The following ANKRD62 variants were observed in gnomAD, a reference collection of about 807,000 sequenced individuals.
ANKRD62 encodes ankyrin repeat domain 62.
In ANKRD62, 61 loss-of-function variants were observed where a neutral mutation model predicts 98.8. That is an observed-to-expected ratio of 0.62 (90% confidence interval 0.50 to 0.76). The LOEUF (loss-of-function observed/expected upper bound fraction) is 0.76. Ranked by LOEUF, ANKRD62 falls within the 30% of genes least tolerant of loss-of-function variation. ANKRD62 has a pLI of 0.00. For missense variants in ANKRD62, 933 were observed against 1,082.9 expected, an observed-to-expected ratio of 0.86 and a Z score of 1.94; for synonymous variants, 341 against 367.9, an observed-to-expected ratio of 0.93 and a Z score of 0.84.
chr18:12,146,001 G>T, the ANKRD62 span, among the ~76,000 whole-genome samples: 2 of 151,516 alleles, frequency 1.3e-5, no homozygotes, highest in Non-Finnish European at 2.9e-5. Flanking sequence ...ACCTTGCTCT[G>T]TGGGACCTCT....
chr18:12,173,865 G>A, the ANKRD62 span, among the ~76,000 whole-genome samples: 1 of 152,204 alleles, frequency 6.6e-6, no homozygotes, highest in African/African-American at 2.4e-5. Flanking sequence ...CCTGTCATTA[G>A]TCTGATGGAT....
At chr18:12,098,606 G>T (rs1282085073) in intron 5 of ANKRD62, 3 of 152,182 alleles carry the variant, frequency 2.0e-5, no homozygotes, top group Admixed American at 6.5e-5. Context: ...AAGCAAAACA[G>T]GTGCTAGCCA....
chr18:12,172,897 C>A, the ANKRD62 span, among the ~76,000 whole-genome samples: 1 of 152,050 alleles, frequency 6.6e-6, no homozygotes, highest in Non-Finnish European at 1.5e-5. Context: ...GGGCGTGGGA[C>A]CCTCTGAGCC....
the ANKRD62 span, among the ~76,000 whole-genome samples, chr18:12,166,281 C>T: frequency 6.6e-6 from 1 of 151,832 alleles, no homozygotes; most frequent in Non-Finnish European, 1.5e-5. Flanking sequence ...TAGATTTGCC[C>T]TTTTGAGGCT....
chr18:12,177,540 C>G, the ANKRD62 span, among the ~76,000 whole-genome samples: 1 of 151,902 alleles, frequency 6.6e-6, no homozygotes, highest in Non-Finnish European at 1.5e-5. Context: ...TAAGTAGGGC[C>G]ATCTTTGAAC....
At chr18:12,100,604 G>C (rs752596444) in intron 6 of ANKRD62, among the ~76,000 whole-genome samples, 25 of 152,116 alleles carry the variant, frequency 1.6e-4, no homozygotes, top group Non-Finnish European at 3.4e-4. Context: ...AATAAGAACT[G>C]TACCAATACC....
At chr18:12,100,197 T>G (rs1909269319) in intron 6 of ANKRD62, among the ~76,000 whole-genome samples, 1 of 152,208 alleles carries the variant, frequency 6.6e-6, no homozygotes, top group Non-Finnish European at 1.5e-5. Flanking sequence ...CTAGAAACCT[T>G]ATTGATTATA....
chr18:12,172,067 G>A, the ANKRD62 span, among the ~76,000 whole-genome samples: 2 of 151,992 alleles, frequency 1.3e-5, no homozygotes. Context: ...AGCTTCTCTG[G>A]GATGGGTTTG....
At chr18:12,124,860 C>A (rs1420794158) in intron 12 of ANKRD62, among the ~76,000 whole-genome samples, 1 of 152,118 alleles carries the variant, frequency 6.6e-6, no homozygotes, top group Non-Finnish European at 1.5e-5. Context: ...CCTTTCCCTG[C>A]AGAATTGTGA....
chr18:12,137,786 G>T, the ANKRD62 span, among the ~76,000 whole-genome samples: 1 of 152,172 alleles, frequency 6.6e-6, no homozygotes, highest in Non-Finnish European at 1.5e-5. Context: ...GAGTGTATGT[G>T]TTGAGGAATT....
At chr18:12,178,349 C>T in the ANKRD62 span, among the ~76,000 whole-genome samples, 1 of 148,560 alleles carries the variant, frequency 6.7e-6, no homozygotes, top group East Asian at 2.0e-4. Context: ...GAAAAGTCTG[C>T]AGAGGGCTGG....
chr18:12,162,034 A>G, the ANKRD62 span, among the ~76,000 whole-genome samples: 3 of 152,148 alleles, frequency 2.0e-5, no homozygotes, highest in Non-Finnish European at 4.4e-5. Flanking sequence ...TCTTTGGGGT[A>G]TATACCTAGC....
the ANKRD62 span, among the ~76,000 whole-genome samples, chr18:12,173,966 G>T: frequency 6.6e-6 from 1 of 152,082 alleles, no homozygotes; most frequent in Non-Finnish European, 1.5e-5. Flanking sequence ...ATAATTATGT[G>T]TCTTTGGGGT....
At chr18:12,150,871 T>C in the ANKRD62 span, among the ~76,000 whole-genome samples, 2 of 152,230 alleles carry the variant, frequency 1.3e-5, no homozygotes, top group South Asian at 2.1e-4. Flanking sequence ...CCACTGACAC[T>C]ATAAAGCAAG....
At chr18:12,127,301 G>C (rs1449137010) in intron 13 of ANKRD62, among the ~76,000 whole-genome samples, 1 of 152,172 alleles carries the variant, frequency 6.6e-6, no homozygotes, top group Non-Finnish European at 1.5e-5. Flanking sequence ...GAGCCTCTAA[G>C]GCCATTGGAA....
chr18:12,124,070 G>A (rs570779722), intron 11 of ANKRD62, 67 bp from the exon 12 acceptor site: 418 of 782,484 alleles, frequency 5.3e-4, no homozygotes, highest in Non-Finnish European at 7.0e-4. Flanking sequence ...CACTTTATTA[G>A]GATAATAAAC....
intron 5 of ANKRD62, among the ~76,000 whole-genome samples, chr18:12,098,835 A>G (rs1313429152): frequency 3.3e-5 from 5 of 152,216 alleles, no homozygotes; most frequent in Non-Finnish European, 7.3e-5. Flanking sequence ...GAGAGGAAGC[A>G]TCATTCTAAC....
At chr18:12,166,544 A>AT in the ANKRD62 span, among the ~76,000 whole-genome samples, 10 of 151,306 alleles carry the variant, frequency 6.6e-5, no homozygotes, top group African/African-American at 2.4e-4. Context: ...GTTACCTTGA[A>AT]TTTTTTTTTA....
In ANKRD62 at chr18:12,120,824, T is replaced by A. The variant is rs73950325; in HGVS notation, c.1241-1479T>A. Among the ~76,000 whole-genome samples the A allele has an allele frequency of 2.3e-3, 353 of 152,324 alleles. 2 individuals carry two copies. Among genetic ancestry groups the A allele is most frequent in the African/African-American group, 8.1e-3 (338 of 41,588 alleles). On this transcript the variant is annotated intron_variant, in intron 10 of 13. Transcript: ENST00000587848. Reference sequence around the variant, plus strand: ...TCAATGGTTTATTTAGGATTTATAGTATATAATTTTAACCTATCACAGTCT... The same window carrying A: ...TCAATGGTTTATTTAGGATTTATAGAATATAATTTTAACCTATCACAGTCT...
Sources: gnomAD v4.1 joint callset for allele counts (sites outside exome capture counted in the v4.1 genomes callset) on GRCh38, gnomAD v4.1.1 for gene constraint, MANE v1.5 for transcripts, NCBI Gene and HGNC (gene_info 2026-07-23, HGNC 2026-07-21) for gene names.